The following RAPGEF5 variants were observed in gnomAD, a reference collection of about 807,000 sequenced individuals.
RAPGEF5 encodes Rap guanine nucleotide exchange factor 5, also known as M-Ras-regulated GEF.
Under a neutral mutation model 125.2 loss-of-function variants are expected in RAPGEF5, and 65 were observed. The observed-to-expected ratio is 0.52, with a 90% CI of 0.43 to 0.64. The LOEUF is 0.64. RAPGEF5 is among the 30% of genes least tolerant of loss of function. The probability of loss-of-function intolerance (pLI) is 0.00; values close to 1 mark genes in which losing one functional copy is unlikely to be tolerated. For missense variants in RAPGEF5, 958 were observed against 1,048.1 expected (o/e 0.91, Z 1.19); for synonymous variants, 391 against 385.9 (o/e 1.01, Z -0.16).
At chr7:22,126,941 G>A (rs1200117368) in intron 24 of RAPGEF5, among the ~76,000 whole-genome samples, 2 of 151,942 alleles carry the variant, frequency 1.3e-5, no homozygotes, top group Admixed American at 6.6e-5. Flanking sequence ...CATCTTTAGA[G>A]ACCATTTTCT....
chr7:22,155,288 A>C (rs1162065810), intron 16 of RAPGEF5, among the ~76,000 whole-genome samples: 1 of 152,210 alleles, frequency 6.6e-6, no homozygotes, highest in East Asian at 1.9e-4. Context: ...TTACTAGGAC[A>C]TTATCACTAT....
rs1288402493 is a variant in RAPGEF5 at position 22,317,971 on chromosome 7, G to A, written c.282+16C>T. On this transcript the variant is annotated intron_variant, in intron 2 of 25. Coordinates refer to ENST00000665637, the MANE Select transcript of RAPGEF5 (RefSeq NM_012294.5). The stretch of plus-strand genomic sequence containing the variant: ...CACTATTTCAGAAAAGGCAGTAAAA[G>A]AGAAAGGAATCATACCTGGGAAGGC... 3.9e-6 allele frequency: 6 copies of A among 1,547,172 alleles called. No homozygotes were observed. The highest frequency in any genetic ancestry group is 4.0e-5 in the Admixed American group (2 of 50,086).
At chr7:22,340,568 C>A (rs1372277802) in intron 1 of RAPGEF5, among the ~76,000 whole-genome samples, 4 of 152,242 alleles carry the variant, frequency 2.6e-5, no homozygotes, top group South Asian at 4.1e-4. Context: ...TTTGCGGGAA[C>A]CATCCTTGCC....
At chr7:22,271,006 T>C (rs1186965853) in intron 6 of RAPGEF5, among the ~76,000 whole-genome samples, 1 of 152,192 alleles carries the variant, frequency 6.6e-6, no homozygotes, top group Admixed American at 6.5e-5. Context: ...CCTCTACTAG[T>C]GTTACATTAA....
At chr7:22,261,712 A>G (rs933337389) in intron 7 of RAPGEF5, among the ~76,000 whole-genome samples, 1 of 152,234 alleles carries the variant, frequency 6.6e-6, no homozygotes, top group Admixed American at 6.5e-5. Context: ...ATGGATACCA[A>G]TGGAATCTGT....
At chr7:22,185,665 A>G (rs571622257) in intron 11 of RAPGEF5, among the ~76,000 whole-genome samples, 3 of 152,226 alleles carry the variant, frequency 2.0e-5, no homozygotes, top group East Asian at 1.9e-4. Flanking sequence ...TCTTGACACC[A>G]TTTTGGGGAT....
intron 6 of RAPGEF5, among the ~76,000 whole-genome samples, chr7:22,289,703 T>C (rs571491997): frequency 2.0e-4 from 30 of 152,374 alleles, no homozygotes; most frequent in African/African-American, 7.2e-4. Flanking sequence ...CATATTGATA[T>C]GATTAGGCTT....
intron 7 of RAPGEF5, among the ~76,000 whole-genome samples, chr7:22,236,967 G>T (rs60308095): frequency 0.023 from 3,530 of 152,226 alleles, 82 homozygotes; most frequent in Middle Eastern, 0.068. Context: ...GGCCTCAAAG[G>T]CCAGGCCATT....
In RAPGEF5 at chr7:22,318,012, G is replaced by T. The variant is rs774754319; in HGVS notation, c.257C>A (p.Pro86Gln). 8 of 1,545,036 alleles carry T rather than the reference G, an allele frequency of 5.2e-6. No homozygotes were observed. In the African/African-American group the frequency reaches 6.9e-5, roughly 13 times the overall value. ...GRTLSRRISN[P>Q]YLEHTPSQIY... ...CTGGGAAGGCGTATGTTCAAGGTAC[G>T]GATTAGATATTCTTCTTGATAGAGT... is the stretch of plus-strand genomic sequence containing the variant. Residue 86 changes from proline (P) to glutamine (Q), a missense_variant, in exon 2 of 26, where the codon CCG becomes CAG. Pro to Gln is a moderately conservative substitution (Grantham distance 76, BLOSUM62 -1). Coordinates refer to ENST00000665637, the MANE Select transcript of RAPGEF5 (RefSeq NM_012294.5).
chr7:22,125,407 A>G, intron 25 of RAPGEF5, 197 bp downstream of exon 25: 2 of 531,052 alleles, frequency 3.8e-6, no homozygotes, highest in East Asian at 3.3e-5. Flanking sequence ...ATAATCTGCC[A>G]TATCTTGTCT....
intron 1 of RAPGEF5, among the ~76,000 whole-genome samples, chr7:22,334,309 T>G (rs1328788407): frequency 6.6e-6 from 1 of 152,050 alleles, no homozygotes; most frequent in African/African-American, 2.4e-5. Context: ...AACATAGTAT[T>G]AATAACACAC....
chr7:22,197,875 C>CT (rs1425074489), intron 9 of RAPGEF5, among the ~76,000 whole-genome samples: 1 of 126,192 alleles, frequency 7.9e-6, no homozygotes, highest in Non-Finnish European at 1.6e-5. Flanking sequence ...CACATTAAAT[C>CT]TCTTTTTTCT....
intron 1 of RAPGEF5, among the ~76,000 whole-genome samples, chr7:22,328,815 C>T (rs10264609): frequency 0.2 from 30,734 of 152,140 alleles, 3,305 homozygotes; most frequent in Admixed American, 0.23. Flanking sequence ...CAAGCAGACA[C>T]AAGCCCTGGC....
intron 7 of RAPGEF5, among the ~76,000 whole-genome samples, chr7:22,235,477 T>A (rs546692959): frequency 2.0e-5 from 3 of 152,354 alleles, no homozygotes; most frequent in African/African-American, 7.2e-5. Context: ...AGGGTTTCTT[T>A]TCCCTCTTAA....
At chr7:22,330,145 T>C (rs1200806850) in intron 1 of RAPGEF5, among the ~76,000 whole-genome samples, 1 of 152,176 alleles carries the variant, frequency 6.6e-6, no homozygotes, top group Non-Finnish European at 1.5e-5. Context: ...CATAAAGGAT[T>C]AAGAACAAGT....
intron 9 of RAPGEF5, among the ~76,000 whole-genome samples, chr7:22,203,987 C>A (rs942638801): frequency 6.6e-6 from 1 of 152,136 alleles, no homozygotes; most frequent in African/African-American, 2.4e-5. Context: ...ACTAGCAGCC[C>A]AAAGGTAGGA....
chr7:22,208,022 T>C (rs1014643412), intron 9 of RAPGEF5, among the ~76,000 whole-genome samples: 1 of 152,236 alleles, frequency 6.6e-6, no homozygotes, highest in South Asian at 2.1e-4. Context: ...CCCTCTCTTC[T>C]GTGTGTTTTT....
chr7:22,134,917 C>T (rs1257112597), intron 23 of RAPGEF5, among the ~76,000 whole-genome samples: 1 of 152,184 alleles, frequency 6.6e-6, no homozygotes, highest in African/African-American at 2.4e-5. Context: ...GCATATCTAT[C>T]TCCATTGTCC....
At chr7:22,157,942 T>G in intron 14 of RAPGEF5, 57 bp from the exon 15 acceptor site, 1 of 1,523,698 alleles carries the variant, frequency 6.6e-7, no homozygotes, top group Non-Finnish European at 9.1e-7. Context: ...ATAATGCAGT[T>G]ATTGTTACGG....
Sources: allele counts gnomAD v4.1 joint callset (sites outside exome capture counted in the v4.1 genomes callset), GRCh38; gene constraint gnomAD v4.1.1; transcripts MANE v1.5; gene names NCBI Gene and HGNC (gene_info 2026-07-23, HGNC 2026-07-21).